The following PLXDC2 variants were observed in gnomAD, a reference collection of about 807,000 sequenced individuals.
PLXDC2 encodes plexin domain-containing protein 2.
PLXDC2 carries 40 observed loss-of-function variants against 68.9 expected under a neutral mutation model. The observed-to-expected ratio is 0.58, with a 90% CI of 0.45 to 0.76. The LOEUF (loss-of-function observed/expected upper bound fraction) is 0.76, where lower values mean the gene tolerates loss of function less well. PLXDC2 is among the 30% of genes least tolerant of loss of function. PLXDC2 has a pLI of 0.00. For missense variants in PLXDC2, 644 were observed against 661.9 expected (o/e 0.97, Z 0.30); for synonymous variants, 243 against 234.2 (o/e 1.04, Z -0.34).
chr10:20,281,517 C>T lies in PLXDC2; in HGVS notation c.*1698C>T, dbSNP rs1355331917. 1 of 152,128 alleles carries T rather than the reference C, an allele frequency of 6.6e-6. No homozygotes were observed. Among genetic ancestry groups the T allele is most frequent in the African/African-American group, 2.4e-5 (1 of 41,432 alleles). The allele number at this position is 152,128 out of a possible 1,614,324, so 9.4% of individuals were successfully genotyped here. On this transcript the variant is annotated 3_prime_UTR_variant, in exon 14 of 14. Coordinates refer to ENST00000377252, the MANE Select transcript of PLXDC2 (RefSeq NM_032812.9). Reference sequence around the variant, plus strand: ...TACACATCTGCCTTGGTCATCAGTCCACTCACAGAGTACCATACTTTATCA... The same window carrying T: ...TACACATCTGCCTTGGTCATCAGTCTACTCACAGAGTACCATACTTTATCA...
intron 4 of PLXDC2, among the ~76,000 whole-genome samples, chr10:20,124,461 C>T (rs548218973): frequency 1.6e-4 from 24 of 152,172 alleles, no homozygotes; most frequent in East Asian, 1.2e-3. Context: ...ATCTTTCTCA[C>T]GGAGCAAAGG....
chr10:19,994,812 GGCTCACTGCAACCTCC>G (rs1335344693), intron 1 of PLXDC2, among the ~76,000 whole-genome samples: 3 of 151,152 alleles, frequency 2.0e-5, no homozygotes, highest in African/African-American at 7.3e-5. Context: ...GTGCAATCTC[GGCTCACTGCAACCTCC>G]GCTTCCCGTG....
chr10:20,063,698 A>T (rs1278688736), intron 3 of PLXDC2, among the ~76,000 whole-genome samples: 3 of 152,192 alleles, frequency 2.0e-5, no homozygotes, highest in Non-Finnish European at 2.9e-5. Flanking sequence ...TCAGAAATCT[A>T]GGAGTATGAC....
At chr10:19,882,438 G>T (rs1564618028) in intron 1 of PLXDC2, among the ~76,000 whole-genome samples, 1 of 152,124 alleles carries the variant, frequency 6.6e-6, no homozygotes, top group East Asian at 1.9e-4. Flanking sequence ...GGTTAATAAT[G>T]GAAAAGCAAA....
intron 9 of PLXDC2, among the ~76,000 whole-genome samples, chr10:20,198,653 A>G (rs1014276051): frequency 6.6e-6 from 1 of 152,122 alleles, no homozygotes; most frequent in Non-Finnish European, 1.5e-5. Flanking sequence ...TAGCTTTTCA[A>G]CTTTCCAACA....
intron 3 of PLXDC2, among the ~76,000 whole-genome samples, chr10:20,053,978 CA>C (rs1286659220): frequency 6.6e-6 from 1 of 151,864 alleles, no homozygotes; most frequent in African/African-American, 2.4e-5. Flanking sequence ...TTCTTTACAA[CA>C]AAAAAATAAT....
intron 12 of PLXDC2, 110 bp from the exon 13 acceptor site, chr10:20,245,235 G>T: frequency 8.3e-7 from 1 of 1,198,672 alleles, no homozygotes; most frequent in South Asian, 1.9e-5. Context: ...AGTTGTCCAG[G>T]AAGTAAAGAT....
chr10:20,089,251 C>T (rs547717936), intron 4 of PLXDC2, among the ~76,000 whole-genome samples: 2 of 151,060 alleles, frequency 1.3e-5, no homozygotes, highest in East Asian at 3.9e-4. Context: ...AAAGGCTTTG[C>T]AAGCTCAAAC....
chr10:19,901,502 T>C (rs1462211564), intron 1 of PLXDC2, among the ~76,000 whole-genome samples: 1 of 152,192 alleles, frequency 6.6e-6, no homozygotes, highest in African/African-American at 2.4e-5. Context: ...TTCGTGTCCT[T>C]AGCCTACTTT....
In PLXDC2 at chr10:20,279,971, C is replaced by A; in HGVS notation, c.*152C>A. 3.2e-6 allele frequency: 2 copies of A among 626,520 alleles called. No homozygotes were observed. Among genetic ancestry groups the A allele is most frequent in the Non-Finnish European group, 5.6e-6 (2 of 357,590 alleles). The allele number at this position is 626,520 out of a possible 1,614,324, so 38.8% of individuals were successfully genotyped here. ...GACAAGATTTCTGGACAAGCTCAGC[C>A]CAGGAAACAAAGGGTAAACAAAAAA... On this transcript the variant is annotated 3_prime_UTR_variant, in exon 14 of 14. Transcript: ENST00000377252.
chr10:19,902,838 CT>C (rs199923478), intron 1 of PLXDC2, among the ~76,000 whole-genome samples: 1 of 152,186 alleles, frequency 6.6e-6, no homozygotes, highest in East Asian at 1.9e-4. Flanking sequence ...TTTTTATTCC[CT>C]TAAGGTATGT....
At chr10:20,240,711 CAAAAAAAAAA>C (rs202138349) in intron 12 of PLXDC2, among the ~76,000 whole-genome samples, 2 of 100,030 alleles carry the variant, frequency 2.0e-5, no homozygotes, top group African/African-American at 3.8e-5. Context: ...TTGCAGTAGC[CAAAAAAAAAA>C]AAAAAAAAAA....
chr10:19,851,288 G>A (rs913462504), intron 1 of PLXDC2, among the ~76,000 whole-genome samples: 1 of 152,106 alleles, frequency 6.6e-6, no homozygotes, highest in South Asian at 2.1e-4. Flanking sequence ...TTGTTCATTT[G>A]ACCTGAATTG....
chr10:20,248,560 T>C (rs1372286712), intron 13 of PLXDC2, among the ~76,000 whole-genome samples: 1 of 152,192 alleles, frequency 6.6e-6, no homozygotes, highest in Non-Finnish European at 1.5e-5. Flanking sequence ...CTTTTTTTCC[T>C]TCCTGTGGAG....
chr10:20,242,192 T>C (rs1835525311), intron 12 of PLXDC2, among the ~76,000 whole-genome samples: 1 of 152,086 alleles, frequency 6.6e-6, no homozygotes, highest in Non-Finnish European at 1.5e-5. Flanking sequence ...AATAGACAAG[T>C]CCACAAGATG....
chr10:20,190,779 A>G (rs1432366341), intron 9 of PLXDC2, among the ~76,000 whole-genome samples: 2 of 151,934 alleles, frequency 1.3e-5, no homozygotes, highest in Non-Finnish European at 2.9e-5. Flanking sequence ...TTTAAAATAC[A>G]CGTTCATACT....
At chr10:20,275,957 G>A (rs1041552590) in intron 13 of PLXDC2, among the ~76,000 whole-genome samples, 40 of 40,750 alleles carry the variant, frequency 9.8e-4, no homozygotes, top group Admixed American at 2.3e-3. Flanking sequence ...GGAAGGAAGG[G>A]TAGGTTTTTT....
chr10:19,889,722 A>G (rs938068442), intron 1 of PLXDC2, among the ~76,000 whole-genome samples: 1 of 152,202 alleles, frequency 6.6e-6, no homozygotes. Flanking sequence ...CCTTAATTTT[A>G]GACATCCACA....
chr10:20,019,248 CA>C (rs1161637722), intron 2 of PLXDC2, among the ~76,000 whole-genome samples: 1 of 152,200 alleles, frequency 6.6e-6, no homozygotes, highest in Non-Finnish European at 1.5e-5. Flanking sequence ...ACAATTTCTA[CA>C]GATATAGCTA....
Sources: allele counts gnomAD v4.1 joint callset (sites outside exome capture counted in the v4.1 genomes callset), GRCh38; gene constraint gnomAD v4.1.1; transcripts MANE v1.5; gene names NCBI Gene and HGNC (gene_info 2026-07-23, HGNC 2026-07-21).